Variants in KIAA1217 observed in about 807,000 individuals in gnomAD.
KIAA1217 encodes KIAA1217.
In KIAA1217, 88 loss-of-function variants were observed where a neutral mutation model predicts 163.9. That is an observed-to-expected ratio of 0.54 (90% CI 0.45 to 0.64). The LOEUF (loss-of-function observed/expected upper bound fraction) is 0.64. Among genes scored for constraint, KIAA1217 ranks in the 30% least tolerant of loss-of-function variants. The pLI is 0.00. For synonymous variants in KIAA1217, 903 were observed against 923.1 expected (o/e 0.98, Z 0.39); for missense variants, 2,372 against 2,475.0 (o/e 0.96, Z 0.88).
chr10:24,304,164 T>C (rs1316557101), intron 2 of KIAA1217, among the ~76,000 whole-genome samples: 1 of 151,222 alleles, frequency 6.6e-6, no homozygotes, highest in Non-Finnish European at 1.5e-5. Flanking sequence ...AGTGTTTCAG[T>C]TTGTCATTGC....
intron 2 of KIAA1217, among the ~76,000 whole-genome samples, chr10:24,029,325 GT>G (rs1026497782): frequency 6.6e-6 from 1 of 151,998 alleles, no homozygotes; most frequent in African/African-American, 2.4e-5. Context: ...TCATTGCCTT[GT>G]TTTGTGAACA....
chr10:23,928,538 C>T (rs1267773266), intron 1 of KIAA1217, among the ~76,000 whole-genome samples: 1 of 152,092 alleles, frequency 6.6e-6, no homozygotes, highest in Non-Finnish European at 1.5e-5. Context: ...CAAGACATTA[C>T]TCTAGGGCCT....
chr10:24,157,923 C>T, intron 2 of KIAA1217: 1 of 701,354 alleles, frequency 1.4e-6, no homozygotes. Context: ...GGAGTTAATG[C>T]CCAGTTCTTA....
At chr10:24,537,860 C>T (rs1484494858) in intron 17 of KIAA1217, among the ~76,000 whole-genome samples, 1 of 152,184 alleles carries the variant, frequency 6.6e-6, no homozygotes, top group Non-Finnish European at 1.5e-5. Context: ...TAAGTAAGCA[C>T]TCTAGGGAAA....
At chr10:23,723,742 A>T (rs1837986437) in intron 1 of KIAA1217, among the ~76,000 whole-genome samples, 1 of 152,216 alleles carries the variant, frequency 6.6e-6, no homozygotes, top group African/African-American at 2.4e-5. Flanking sequence ...AAAGCCTTGT[A>T]GTTGTACATA....
chr10:23,710,548 G>A (rs554386030), intron 1 of KIAA1217, among the ~76,000 whole-genome samples: 43 of 152,312 alleles, frequency 2.8e-4, no homozygotes, highest in Non-Finnish European at 4.1e-4. Flanking sequence ...TAGCCTTATT[G>A]ATAAGCAATT....
chr10:23,969,623 G>T (rs1845219102), intron 1 of KIAA1217, among the ~76,000 whole-genome samples: 1 of 151,898 alleles, frequency 6.6e-6, no homozygotes, highest in Non-Finnish European at 1.5e-5. Context: ...ATTTTTAATT[G>T]GTTATTTATA....
At chr10:24,302,802 G>A (rs1010547191) in intron 2 of KIAA1217, among the ~76,000 whole-genome samples, 5 of 152,178 alleles carry the variant, frequency 3.3e-5, no homozygotes, top group South Asian at 2.1e-4. Context: ...AGGTGGCCAT[G>A]TGGATATCTG....
intron 1 of KIAA1217, among the ~76,000 whole-genome samples, chr10:23,854,200 T>G (rs1182610758): frequency 6.6e-6 from 1 of 152,222 alleles, no homozygotes; most frequent in African/African-American, 2.4e-5. Flanking sequence ...TCCCAGAGAT[T>G]CTGATATGTT....
chr10:23,719,209 A>G (rs1837731045), intron 1 of KIAA1217, among the ~76,000 whole-genome samples: 1 of 152,220 alleles, frequency 6.6e-6, no homozygotes, highest in Non-Finnish European at 1.5e-5. Flanking sequence ...CAAACAATGG[A>G]GTATTGTTCA....
intron 2 of KIAA1217, among the ~76,000 whole-genome samples, chr10:24,225,945 A>C (rs2070459414): frequency 6.6e-6 from 1 of 152,230 alleles, no homozygotes; most frequent in Admixed American, 6.5e-5. Flanking sequence ...GGAATGAGCC[A>C]CTATTTCTAA....
chr10:24,065,102 T>A (rs1307747737), intron 2 of KIAA1217, among the ~76,000 whole-genome samples: 3 of 152,186 alleles, frequency 2.0e-5, no homozygotes, highest in African/African-American at 7.2e-5. Context: ...GCTCCTGGAT[T>A]CATTGATTTT....
At chr10:24,014,949 TC>T (rs1309058089) in intron 2 of KIAA1217, among the ~76,000 whole-genome samples, 1 of 151,580 alleles carries the variant, frequency 6.6e-6, no homozygotes, top group Non-Finnish European at 1.5e-5. Flanking sequence ...ATATCTTCGA[TC>T]AAAAATATAA....
chr10:24,397,534 C>G (rs2055962242), intron 3 of KIAA1217, among the ~76,000 whole-genome samples: 1 of 152,148 alleles, frequency 6.6e-6, no homozygotes, highest in African/African-American at 2.4e-5. Context: ...TCTGTAGAAC[C>G]TACATACTTA....
At chr10:24,040,448 G>A (rs537409500) in intron 2 of KIAA1217, among the ~76,000 whole-genome samples, 8 of 152,342 alleles carry the variant, frequency 5.3e-5, no homozygotes, top group African/African-American at 1.9e-4. Context: ...AGAAGCATGA[G>A]AAAGCAATTG....
intron 2 of KIAA1217, among the ~76,000 whole-genome samples, chr10:24,276,100 C>T (rs1000466471): frequency 6.6e-6 from 1 of 152,084 alleles, no homozygotes; most frequent in Admixed American, 6.5e-5. Context: ...TCAGTTTTGT[C>T]GTTATTTAGT....
intron 17 of KIAA1217, among the ~76,000 whole-genome samples, chr10:24,542,042 C>G (rs1247015242): frequency 6.6e-6 from 1 of 152,174 alleles, no homozygotes; most frequent in Non-Finnish European, 1.5e-5. Flanking sequence ...ACTTCGACAC[C>G]TGCAGTACAA....
chr10:23,725,763 T>C (rs1403380206), intron 1 of KIAA1217, among the ~76,000 whole-genome samples: 3 of 152,244 alleles, frequency 2.0e-5, no homozygotes, highest in African/African-American at 2.4e-5. Context: ...GAGACTAGCA[T>C]TTTACTGTAA....
At chr10:23,766,594 CTT>C (rs569633830) in intron 1 of KIAA1217, among the ~76,000 whole-genome samples, 2 of 127,720 alleles carry the variant, frequency 1.6e-5, no homozygotes, top group Admixed American at 7.9e-5. Flanking sequence ...TTTCTTTTTT[CTT>C]TTTTTTTTTT....
Sources: gnomAD v4.1 joint callset for allele counts (sites outside exome capture counted in the v4.1 genomes callset) on GRCh38, gnomAD v4.1.1 for gene constraint, MANE v1.5 for transcripts, NCBI Gene and HGNC (gene_info 2026-07-23, HGNC 2026-07-21) for gene names.